The following CELF2 variants were observed in gnomAD, a reference collection of about 807,000 sequenced individuals.
CELF2 encodes the protein CUGBP Elav-like family member 2.
A neutral mutation model predicts 62.6 loss-of-function variants in CELF2; 8 were observed. The ratio of observed to expected loss-of-function variants is 0.13; its 90% CI spans 0.07 to 0.23. CELF2 has a LOEUF of 0.23. Among genes scored for constraint, CELF2 ranks in the 10% least tolerant of loss-of-function variants. CELF2 has a pLI of 1.00. For synonymous variants in CELF2, 258 were observed against 250.0 expected (o/e 1.03, Z -0.30); for missense variants, 333 against 671.0 (o/e 0.50, Z 5.56).
the CELF2 span, among the ~76,000 whole-genome samples, chr10:10,659,476 C>T: frequency 1.3e-5 from 2 of 152,198 alleles, no homozygotes; most frequent in African/African-American, 2.4e-5. Flanking sequence ...GAATGTCATG[C>T]TTCTCCCTCC....
chr10:10,715,257 T>A, the CELF2 span, among the ~76,000 whole-genome samples: 4 of 152,288 alleles, frequency 2.6e-5, no homozygotes, highest in East Asian at 7.7e-4. Context: ...AAAGGCACCT[T>A]TTGCTTTTTC....
chr10:10,705,825 G>A, the CELF2 span, among the ~76,000 whole-genome samples: 94 of 152,236 alleles, frequency 6.2e-4, no homozygotes, highest in African/African-American at 2.2e-3. Flanking sequence ...GTCCCAGTTC[G>A]CCATGAACAA....
rs58401641 is a variant in CELF2 at position 11,282,841 on chromosome 10, G to A, written c.842-5577G>A. ...CAGCCTGCGCTGCCTTCGGGAGGTGGTGGTGATTGCTGCTGTTATCCCTGG... is the reference window on the plus strand; with the variant it reads ...CAGCCTGCGCTGCCTTCGGGAGGTGATGGTGATTGCTGCTGTTATCCCTGG... On this transcript the variant is annotated intron_variant, in intron 8 of 12. Coordinates refer to ENST00000633077, the MANE Select transcript of CELF2 (RefSeq NM_001326342.2). Among the ~76,000 whole-genome samples the A allele has an allele frequency of 2.7e-3, 409 of 152,364 alleles. 5 individuals carry two copies. Among genetic ancestry groups the A allele is most frequent in the African/African-American group, 9.3e-3 (387 of 41,586 alleles).
chr10:10,897,157 G>A (rs2062615115), intron 1 of CELF2, among the ~76,000 whole-genome samples: 1 of 152,148 alleles, frequency 6.6e-6, no homozygotes, highest in African/African-American at 2.4e-5. Flanking sequence ...GAAGACCATG[G>A]CAGAGAAAGC....
the CELF2 span, among the ~76,000 whole-genome samples, chr10:10,616,695 T>C: frequency 9.6e-4 from 103 of 107,632 alleles, no homozygotes; most frequent in African/African-American, 1.7e-3. Flanking sequence ...TGTGTGCGTG[T>C]GTGTGTGTGT....
intron 2 of CELF2, among the ~76,000 whole-genome samples, chr10:10,975,761 A>C (rs1025539186): frequency 1.3e-5 from 2 of 152,248 alleles, no homozygotes; most frequent in Non-Finnish European, 2.9e-5. Flanking sequence ...GGCTTAACCC[A>C]GGCGGGTTCT....
intron 2 of CELF2, among the ~76,000 whole-genome samples, chr10:11,176,374 A>G (rs2071125143): frequency 6.6e-6 from 1 of 152,138 alleles, no homozygotes; most frequent in Non-Finnish European, 1.5e-5. Flanking sequence ...TTTCCTTGTA[A>G]TGGTGTTTGG....
At chr10:10,593,582 G>A in the CELF2 span, among the ~76,000 whole-genome samples, 26 of 152,200 alleles carry the variant, frequency 1.7e-4, no homozygotes, top group Non-Finnish European at 3.4e-4. Flanking sequence ...GGCACAGGGA[G>A]GTGTGATAAT....
rs666871 is a variant in CELF2, at chr10:11,156,471, G to A, written c.75-9015G>A. ...GCCCTCTTATTTAATACCCTGCAAC[G>A]CCCTCCCCTGCATGCTTTATTTGTC... is the stretch of plus-strand genomic sequence containing the variant. On this transcript the variant is annotated intron_variant, in intron 1 of 12. Coordinates refer to ENST00000633077, the MANE Select transcript of CELF2 (RefSeq NM_001326342.2). The surrounding 1 kb of genome is among the most constrained non-coding windows in gnomAD (Gnocchi z 4.3). Among the ~76,000 whole-genome samples the A allele has an allele frequency of 6.6e-6, 1 of 151,578 alleles. No individual in the cohort carries two copies. Among genetic ancestry groups the A allele is most frequent in the Non-Finnish European group, 1.5e-5 (1 of 67,892 alleles).
At chr10:10,686,310 T>TTTGG in the CELF2 span, among the ~76,000 whole-genome samples, 74 of 69,810 alleles carry the variant, frequency 1.1e-3, 2 homozygotes, top group South Asian at 2.0e-3. Context: ...TTGGATTTTT[T>TTTGG]GGGGGGGGGG....
intron 2 of CELF2, among the ~76,000 whole-genome samples, chr10:11,195,463 T>C (rs1251770612): frequency 6.6e-6 from 1 of 152,220 alleles, no homozygotes; most frequent in African/African-American, 2.4e-5. Context: ...TTCCTAATCG[T>C]AGACACAAAC....
chr10:10,915,599 G>A (rs2064254442), intron 1 of CELF2, among the ~76,000 whole-genome samples: 1 of 151,884 alleles, frequency 6.6e-6, no homozygotes, highest in Admixed American at 6.6e-5. Flanking sequence ...TTCTGTTTTT[G>A]TTTTTGTTTT....
intron 2 of CELF2, among the ~76,000 whole-genome samples, chr10:10,991,785 A>G (rs1333163067): frequency 6.6e-6 from 1 of 152,138 alleles, no homozygotes; most frequent in African/African-American, 2.4e-5. Context: ...CTCTTGAAAA[A>G]AGTAGACAAC....
At chr10:11,022,210 G>GTTT (rs778875459) in intron 1 of CELF2, among the ~76,000 whole-genome samples, 2 of 152,138 alleles carry the variant, frequency 1.3e-5, no homozygotes, top group South Asian at 2.1e-4. Context: ...TTTTTGAAGT[G>GTTT]TTTTTTTCAG....
At chr10:10,764,087 C>T in the CELF2 span, among the ~76,000 whole-genome samples, 1 of 152,192 alleles carries the variant, frequency 6.6e-6, no homozygotes, top group East Asian at 1.9e-4. Flanking sequence ...AACAGAGCCA[C>T]TCTGGGGTCA....
chr10:10,681,719 T>G, the CELF2 span, among the ~76,000 whole-genome samples: 1 of 152,024 alleles, frequency 6.6e-6, no homozygotes, highest in African/African-American at 2.4e-5. Flanking sequence ...CAAGTCCTAG[T>G]CTAGGTTCAT....
At chr10:10,881,079 T>C (rs889373272) in intron 1 of CELF2, among the ~76,000 whole-genome samples, 44 of 152,186 alleles carry the variant, frequency 2.9e-4, no homozygotes, top group African/African-American at 1.0e-3. Flanking sequence ...AACATGCATG[T>C]TTAATTTTGC....
At chr10:11,143,390 C>G (rs1202889752) in intron 1 of CELF2, among the ~76,000 whole-genome samples, 1 of 152,100 alleles carries the variant, frequency 6.6e-6, no homozygotes, top group South Asian at 2.1e-4. Flanking sequence ...TGTTTCAGGC[C>G]CTAGGGACTT....
Position 10,931,913 on chromosome 10 carries a change from G to A in CELF2, c.89+11914G>A, listed in dbSNP as rs927829883. Among the ~76,000 whole-genome samples, 7 of 152,244 alleles carry A rather than the reference G, an allele frequency of 4.6e-5. No homozygotes were observed. The South Asian group carries it at 1.0e-3, about 23-fold the overall frequency. The stretch of plus-strand genomic sequence containing the variant: ...CAAAGTCATGTCTTACATGGTGGCT[G>A]GCAAGAGAACTTGTGCAGGGGAACT... On this transcript the variant is annotated intron_variant, in intron 2 of 13. Coordinates refer to the CELF2 transcript ENST00000636488. This position sits in a 1 kb window ranked among gnomAD's most constrained non-coding sequence, Gnocchi z 6.1.
Sources: allele counts gnomAD v4.1 joint callset (sites outside exome capture counted in the v4.1 genomes callset), GRCh38; gene constraint gnomAD v4.1.1; non-coding constraint Gnocchi (gnomAD v3.1); transcripts MANE v1.5; gene names NCBI Gene and HGNC (gene_info 2026-07-23, HGNC 2026-07-21).